Variants in LINGO2 observed in about 807,000 individuals in gnomAD.
LINGO2 encodes the protein leucine-rich repeat and immunoglobulin-like domain-containing nogo receptor-interacting protein 2.
LINGO2 carries 14 observed loss-of-function variants against 30.6 expected under a neutral mutation model. The ratio of observed to expected loss-of-function variants is 0.46; its 90% CI spans 0.30 to 0.72. LINGO2 has a LOEUF of 0.72. LINGO2 is among the 30% of genes least tolerant of loss of function. The probability of loss-of-function intolerance (pLI) is 0.07; values close to 1 mark genes in which losing one functional copy is unlikely to be tolerated. For synonymous variants in LINGO2, 317 were observed against 288.5 expected (o/e 1.10, Z -1.00); for missense variants, 729 against 751.7 (o/e 0.97, Z 0.35).
chr9:28,387,106 A>C (rs1192383581), intron 2 of LINGO2, among the ~76,000 whole-genome samples: 1 of 152,148 alleles, frequency 6.6e-6, no homozygotes, highest in Non-Finnish European at 1.5e-5. Context: ...TAAACACACC[A>C]ATCAGCACTC....
chr9:28,684,345 G>T, the LINGO2 span, among the ~76,000 whole-genome samples: 1 of 148,680 alleles, frequency 6.7e-6, no homozygotes, highest in Admixed American at 6.7e-5. Flanking sequence ...CCGCCACCAC[G>T]CCCGGCTAAT....
At chr9:28,344,885 G>A (rs188143956) in intron 3 of LINGO2, among the ~76,000 whole-genome samples, 4 of 151,992 alleles carry the variant, frequency 2.6e-5, no homozygotes, top group Non-Finnish European at 5.9e-5. Context: ...CTGCACCAAA[G>A]CATCTTAGGG....
chr9:28,096,526 CA>C (rs1374496832), intron 4 of LINGO2, among the ~76,000 whole-genome samples: 1 of 152,088 alleles, frequency 6.6e-6, no homozygotes, highest in Admixed American at 6.6e-5. Context: ...TGACTGTACC[CA>C]ATCACAGGGT....
the LINGO2 span, among the ~76,000 whole-genome samples, chr9:28,695,062 C>T: frequency 6.7e-6 from 1 of 150,076 alleles, no homozygotes; most frequent in African/African-American, 2.5e-5. Context: ...AACAAACAAA[C>T]AAACAAACAA....
At chr9:28,886,714 A>T in the LINGO2 span, among the ~76,000 whole-genome samples, 2 of 152,116 alleles carry the variant, frequency 1.3e-5, no homozygotes, top group African/African-American at 4.8e-5. Flanking sequence ...ATTTATTCTA[A>T]TGAGGCTAGC....
chr9:28,351,205 C>A (rs1327916839), intron 3 of LINGO2, among the ~76,000 whole-genome samples: 2 of 149,210 alleles, frequency 1.3e-5, no homozygotes, highest in Non-Finnish European at 3.0e-5. Flanking sequence ...ATTAATGAAT[C>A]CAGGAGCTGG....
chr9:28,184,506 A>G (rs973726729), intron 4 of LINGO2, among the ~76,000 whole-genome samples: 2 of 151,962 alleles, frequency 1.3e-5, no homozygotes, highest in Non-Finnish European at 2.9e-5. Context: ...ATCCTACTGG[A>G]CAAGTATGGT....
chr9:28,917,716 A>T, the LINGO2 span, among the ~76,000 whole-genome samples: 1 of 152,088 alleles, frequency 6.6e-6, no homozygotes, highest in African/African-American at 2.4e-5. Context: ...TTTTCATGAT[A>T]GTTTTTCCTT....
intron 4 of LINGO2, among the ~76,000 whole-genome samples, chr9:28,019,118 C>T (rs139038742): frequency 1.4e-4 from 21 of 152,148 alleles, no homozygotes; most frequent in Admixed American, 1.3e-3. Flanking sequence ...ACACTGAGGC[C>T]TACTTGACAG....
the LINGO2 span, among the ~76,000 whole-genome samples, chr9:28,738,434 G>T: frequency 6.6e-6 from 1 of 152,026 alleles, no homozygotes; most frequent in East Asian, 1.9e-4. Flanking sequence ...GTTCAGGGAG[G>T]TTAACTATTT....
chr9:28,307,807 T>C (rs1426339785), intron 3 of LINGO2, among the ~76,000 whole-genome samples: 1 of 152,062 alleles, frequency 6.6e-6, no homozygotes, highest in Admixed American at 6.5e-5. Context: ...GAGAGCCAAA[T>C]CATGAGTGAA....
At chr9:28,787,029 C>A in the LINGO2 span, among the ~76,000 whole-genome samples, 1 of 152,108 alleles carries the variant, frequency 6.6e-6, no homozygotes, top group Non-Finnish European at 1.5e-5. Flanking sequence ...AAAGCTAGTT[C>A]TAGGGGTAAC....
the LINGO2 span, among the ~76,000 whole-genome samples, chr9:28,963,714 G>A: frequency 6.6e-6 from 1 of 151,866 alleles, no homozygotes; most frequent in South Asian, 2.1e-4. Context: ...ACTCACATAT[G>A]TGAGCTAAGA....
chr9:27,985,729 A>C (rs1035536096), intron 5 of LINGO2, among the ~76,000 whole-genome samples: 1 of 151,604 alleles, frequency 6.6e-6, no homozygotes, highest in African/African-American at 2.4e-5. Context: ...TAGCCTAAAC[A>C]AGCAAAATCC....
chr9:29,108,654 G>T, the LINGO2 span, among the ~76,000 whole-genome samples: 1 of 152,174 alleles, frequency 6.6e-6, no homozygotes, highest in Admixed American at 6.5e-5. Flanking sequence ...CAGCTGACAG[G>T]ATAAGGTGGC....
In LINGO2 at chr9:28,373,553, G is replaced by T. The variant is rs111844567; in HGVS notation, c.-278-685C>A. Among the ~76,000 whole-genome samples the T allele has an allele frequency of 5.9e-3, 901 of 152,090 alleles. 18 individuals are homozygous for T. Among genetic ancestry groups the T allele is most frequent in the African/African-American group, 0.02 (842 of 41,496 alleles). On this transcript the variant is annotated intron_variant, in intron 2 of 5. Transcript: ENST00000379992. ...TTTTTTAGTCATTGTTCTCTTTGAG[G>T]AATAAAGAGGTAAGAGAAAAAAACT...
chr9:29,033,928 A>G, the LINGO2 span, among the ~76,000 whole-genome samples: 6 of 151,934 alleles, frequency 3.9e-5, no homozygotes, highest in Non-Finnish European at 7.4e-5. Flanking sequence ...CAAAAACACA[A>G]AAAATTAGCT....
the LINGO2 span, among the ~76,000 whole-genome samples, chr9:28,958,232 T>C: frequency 1.3e-5 from 2 of 152,132 alleles, no homozygotes; most frequent in Non-Finnish European, 2.9e-5. Context: ...GCTGCAGCTG[T>C]ATTTAAGGAT....
the LINGO2 span, among the ~76,000 whole-genome samples, chr9:29,000,140 T>C: frequency 6.6e-6 from 1 of 151,986 alleles, no homozygotes; most frequent in Non-Finnish European, 1.5e-5. Flanking sequence ...ATCATGTATA[T>C]GTCTAATTTC....
Sources: gnomAD v4.1 joint callset for allele counts (sites outside exome capture counted in the v4.1 genomes callset) on GRCh38, gnomAD v4.1.1 for gene constraint, MANE v1.5 for transcripts, NCBI Gene and HGNC (gene_info 2026-07-23, HGNC 2026-07-21) for gene names.